ANKEF1: variants seen among roughly 807,000 people sequenced by gnomAD.
ANKEF1 encodes ankyrin repeat and EF-hand domain containing 1.
ANKEF1 carries 43 observed loss-of-function variants against 65.1 expected under a neutral mutation model. The ratio of observed to expected loss-of-function variants is 0.66; its 90% CI spans 0.52 to 0.85. The LOEUF is 0.85. Among genes scored for constraint, ANKEF1 ranks in the 40% least tolerant of loss-of-function variants. The pLI, the probability that ANKEF1 is intolerant of heterozygous loss-of-function variation, is 0.00. For missense variants in ANKEF1, 934 were observed against 952.9 expected (o/e 0.98, Z 0.26); for synonymous variants, 316 against 341.5 (o/e 0.93, Z 0.82).
At chr20:10,041,304 T>C (rs1476402492) in intron 3 of ANKEF1, among the ~76,000 whole-genome samples, 1 of 151,970 alleles carries the variant, frequency 6.6e-6, no homozygotes, top group Non-Finnish European at 1.5e-5. Flanking sequence ...TTTTTATTTT[T>C]TTTTAGTTAT....
Position 10,043,170 on chromosome 20 carries a change from C to G in ANKEF1, c.395C>G (p.Ala132Gly), listed in dbSNP as rs779445622. The change falls in exon 4 of 11, where the codon GCT (alanine) becomes GGT (glycine). Residue 132 changes from alanine (A) to glycine (G), a missense_variant. Ala to Gly is a moderately conservative substitution (Grantham distance 60). Transcript: ENST00000378392. ...ILPTKRHYRC[A>G]LIALEHGADV... ...CCGACTAAGCGGCATTATCGCTGTG[C>G]TCTGATCGCCCTTGAACATGGTGCA... is the stretch of plus-strand genomic sequence containing the variant. 3.1e-6 allele frequency: 5 copies of G among 1,614,158 alleles called. No homozygotes were observed. Among genetic ancestry groups the G allele is most frequent in the Non-Finnish European group, 3.4e-6 (4 of 1,180,018 alleles).
At position 10,053,536 on chromosome 20, in the gene ANKEF1, G is replaced by A. The variant is rs144989926; in HGVS notation, c.2034+261G>A. On this transcript the variant is annotated intron_variant, in intron 9 of 10. Transcript: ENST00000378392. The stretch of plus-strand genomic sequence containing the variant: ...TTCAGCCAAATACAATTAGAATGTT[G>A]AAAAAGAAAACCAAAACTGGTGTTG... 5.5e-3 allele frequency among the ~76,000 whole-genome samples: 840 copies of A among 151,826 alleles called. 14 individuals carry two copies. The highest frequency in any genetic ancestry group is 0.018 in the African/African-American group (746 of 41,504).
In ANKEF1 at chr20:10,043,308, A is replaced by T; in HGVS notation, c.533A>T (p.Asn178Ile). 6.2e-7 allele frequency: 1 copy of T among 1,613,958 alleles called. No individual in the cohort carries two copies. ...TTTTTGGAAAAAGGAGCCAATCCTA[A>T]TGCAATCAACTCAGTATGGCTATTC... ...LTFLEKGANP[N>I]AINSSTGRTA... is the part of the protein sequence containing the mutation. Residue 178 changes from asparagine (N) to isoleucine (I), a missense_variant, in exon 4 of 11, where the codon AAT becomes ATT. Coordinates refer to ENST00000378392, the MANE Select transcript of ANKEF1 (RefSeq NM_022096.6).
In ANKEF1 at chr20:10,053,198, C is replaced by T. The variant is rs1262163881; in HGVS notation, c.1957C>T (p.Pro653Ser). The T allele has an allele frequency of 9.9e-6, 16 of 1,613,462 alleles. No individual in the cohort carries two copies. The highest frequency in any genetic ancestry group is 1.3e-5 in the Non-Finnish European group (15 of 1,179,740). ...AGAAAAGCTAGATAACTTGCCGAAA[C>T]CAGCAGAAAATCAAAAACTAAAAGG... ...IKEKLDNLPK[P>S]AENQKLKGKT... The change falls in exon 9 of 11, where the codon CCA (proline) becomes TCA (serine). Residue 653 changes from proline (P) to serine (S), a missense_variant. Coordinates refer to ENST00000378392, the MANE Select transcript of ANKEF1 (RefSeq NM_022096.6).
chr20:10,049,373 G>A lies in ANKEF1; in HGVS notation c.821-17G>A, dbSNP rs1984697886. 6.3e-7 allele frequency: 1 copy of A among 1,587,584 alleles called. No homozygotes were observed. Among genetic ancestry groups the A allele is most frequent in the South Asian group, 1.2e-5 (1 of 86,570 alleles). ...TGCCTTGGCACCATTCATAATTAAT[G>A]ATGCTTTATGTTTTAGGATGTGACC... On this transcript the variant is annotated splice_polypyrimidine_tract_variant and intron_variant, in intron 6 of 10. Coordinates refer to ENST00000378392, the MANE Select transcript of ANKEF1 (RefSeq NM_022096.6).
intron 4 of ANKEF1, 145 bp downstream of exon 4, chr20:10,043,466 T>C: frequency 1.4e-6 from 1 of 723,656 alleles, no homozygotes; most frequent in Non-Finnish European, 2.3e-6. Context: ...ATACGTTTAT[T>C]ATCTTCATAT....
chr20:10,044,641 C>A, intron 5 of ANKEF1, 98 bp downstream of exon 5: 1 of 1,173,016 alleles, frequency 8.5e-7, no homozygotes, highest in Non-Finnish European at 1.2e-6. Context: ...CTAAGGCAGA[C>A]ATTTTTCTGA....
intron 6 of ANKEF1, among the ~76,000 whole-genome samples, chr20:10,048,623 CTTA>C (rs1247128339): frequency 2.6e-5 from 4 of 152,082 alleles, no homozygotes; most frequent in African/African-American, 4.8e-5. Context: ...TATACATATA[CTTA>C]TTATAGACAA....
At chr20:10,054,085 G>A (rs1476855095) in intron 9 of ANKEF1, among the ~76,000 whole-genome samples, 1 of 152,144 alleles carries the variant, frequency 6.6e-6, no homozygotes, top group African/African-American at 2.4e-5. Context: ...GTAGGTGGTA[G>A]GGAGTAGATA....
chr20:10,038,152 T>G (rs1314842816), intron 2 of ANKEF1, 106 bp from the exon 3 acceptor site: 1 of 505,858 alleles, frequency 2.0e-6, no homozygotes, highest in Admixed American at 3.8e-5. Context: ...TGAACATTTC[T>G]TAAAAAACAA....
At position 10,051,606 on chromosome 20, in the gene ANKEF1, A is replaced by T. The variant is rs578200604; in HGVS notation, c.1644-57A>T. 6.0e-5 allele frequency: 79 copies of T among 1,313,110 alleles called. 2 individuals carry two copies. In the South Asian group the frequency reaches 9.7e-4, roughly 16 times the overall value. The allele number at this position is 1,313,110 out of a possible 1,614,324, so 81.3% of individuals were successfully genotyped here. A position where few individuals can be genotyped will look rare whatever the true frequency, so the allele number is the denominator to read the frequency against. ...CTATGAAATCTTACTTTGCATTTTT[A>T]GTGTCCAGTCATTGGAAAACCGTAT... On this transcript the variant is annotated intron_variant, in intron 7 of 10. Coordinates refer to ENST00000378392, the MANE Select transcript of ANKEF1 (RefSeq NM_022096.6).
chr20:10,044,985 A>T (rs555351451), intron 5 of ANKEF1, among the ~76,000 whole-genome samples: 65 of 152,374 alleles, frequency 4.3e-4, no homozygotes, highest in African/African-American at 1.3e-3. Context: ...TTATCTAAAC[A>T]TACAGCAAAG....
chr20:10,046,093 A>G (rs1984511082), intron 6 of ANKEF1, among the ~76,000 whole-genome samples: 1 of 152,102 alleles, frequency 6.6e-6, no homozygotes, highest in African/African-American at 2.4e-5. Flanking sequence ...CAACAAGGCA[A>G]AACCGCGCCT....
At position 10,043,280 on chromosome 20, in the gene ANKEF1, A is replaced by T. The variant is rs899912434; in HGVS notation, c.505A>T (p.Thr169Ser). Residue 169 changes from threonine to serine, a missense_variant, in exon 4 of 11, where the codon ACA becomes TCA. Transcript: ENST00000378392. ...DAHDVKDVCL[T>S]FLEKGANPNA... ...ACATGATGTTAAAGATGTGTGCCTG[A>T]CATTTTTGGAAAAAGGAGCCAATCC... The T allele has an allele frequency of 1.8e-5, 29 of 1,614,014 alleles. No individual in the cohort carries two copies. Among genetic ancestry groups the T allele is most frequent in the Non-Finnish European group, 2.4e-5 (28 of 1,180,018 alleles).
chr20:10,043,099 C>G (rs769984434), intron 3 of ANKEF1, 23 bp from the exon 4 acceptor site: 163 of 1,609,306 alleles, frequency 1.0e-4, no homozygotes, highest in Non-Finnish European at 1.3e-4. Flanking sequence ...TAAATACTCT[C>G]TGGGGATTTT....
Position 10,049,421 on chromosome 20 carries a change from T to G in ANKEF1, c.852T>G (p.His284Gln), listed in dbSNP as rs751463255. 1.4e-5 allele frequency: 23 copies of G among 1,612,458 alleles called. No homozygotes were observed. In the South Asian group the frequency reaches 2.3e-4, roughly 16 times the overall value. The change falls in exon 7 of 11, where the codon CAT becomes CAG. Residue 284 changes from histidine to glutamine, a missense_variant. Physicochemically the swap from His to Gln is conservative, Grantham distance 24. Coordinates refer to ENST00000378392, the MANE Select transcript of ANKEF1 (RefSeq NM_022096.6). ...GCDLKWKNLD[H>Q]KTPRAVAKEG... The stretch of plus-strand genomic sequence containing the variant: ...ACCTGAAATGGAAGAATTTAGATCA[T>G]AAAACGCCCAGGGCTGTGGCTAAGG...
In ANKEF1 at chr20:10,051,891, T is replaced by C; in HGVS notation, c.1870+2T>C. On this transcript the variant is annotated splice_donor_variant, in intron 8 of 10. Coordinates refer to ENST00000378392, the MANE Select transcript of ANKEF1 (RefSeq NM_022096.6). LOFTEE classifies it high-confidence loss of function. ...AATTCCAGCTGGAAAATAGAAAAGGTATGCGTTCATATTATTGATGATTAG... is the reference window on the plus strand; with the variant it reads ...AATTCCAGCTGGAAAATAGAAAAGGCATGCGTTCATATTATTGATGATTAG... 6.3e-7 allele frequency: 1 copy of C among 1,591,234 alleles called. No homozygotes were observed. The highest frequency in any genetic ancestry group is 8.6e-7 in the Non-Finnish European group (1 of 1,164,626).
At chr20:10,049,333 T>G (rs1020806127) in intron 6 of ANKEF1, 57 bp from the exon 7 acceptor site, 2 of 1,477,028 alleles carry the variant, frequency 1.4e-6, no homozygotes, top group Non-Finnish European at 1.8e-6. Context: ...TGAGTGTCAC[T>G]TATAGCCATG....
chr20:10,053,320 A>C, intron 9 of ANKEF1, 45 bp downstream of exon 9: 1 of 1,545,932 alleles, frequency 6.5e-7, no homozygotes, highest in Non-Finnish European at 8.7e-7. Flanking sequence ...GAACTCTTTA[A>C]AAATCTGTTT....
Sources: allele counts gnomAD v4.1 joint callset (sites outside exome capture counted in the v4.1 genomes callset), GRCh38; gene constraint gnomAD v4.1.1; transcripts MANE v1.5; gene names NCBI Gene and HGNC (gene_info 2026-07-23, HGNC 2026-07-21).